DUSP5: variants seen among roughly 807,000 people sequenced by gnomAD.
DUSP5 encodes dual specificity protein phosphatase 5.
In DUSP5, 22 loss-of-function variants were observed where a neutral mutation model predicts 33.6. The observed-to-expected ratio is 0.66, with a 90% CI of 0.47 to 0.94. The LOEUF (loss-of-function observed/expected upper bound fraction) is 0.94. Among genes scored for constraint, DUSP5 ranks in the 40% least tolerant of loss-of-function variants. The pLI is 0.00. For synonymous variants in DUSP5, 270 were observed against 231.1 expected (o/e 1.17, Z -1.53); for missense variants, 551 against 522.1 (o/e 1.06, Z -0.54).
chr10:110,498,460 C>A lies in DUSP5; in HGVS notation c.339C>A (p.Leu113=). ...SAARVVLTSL[L]ACLPAGPRVY... ...CGCGTGTCGTCCTCACCTCGCTACT[C>A]GCTTGCCTACCCGCCGGCCCGCGGG... Residue 113 remains leucine, a synonymous_variant, in exon 1 of 4, where the codon CTC becomes CTA. Coordinates refer to ENST00000369583, the MANE Select transcript of DUSP5 (RefSeq NM_004419.4). 1.3e-6 allele frequency: 2 copies of A among 1,540,718 alleles called. No homozygotes were observed. Among genetic ancestry groups the A allele is most frequent in the Admixed American group, 1.9e-5 (1 of 53,648 alleles).
intron 2 of DUSP5, 141 bp downstream of exon 2, chr10:110,503,010 C>T: frequency 2.5e-6 from 3 of 1,182,794 alleles, no homozygotes; most frequent in Middle Eastern, 2.8e-4. Context: ...GGCAAAATCC[C>T]CTGGCTTTAG....
At position 110,506,928 on chromosome 10, in the gene DUSP5, C is replaced by A. The variant is rs1860125326; in HGVS notation, c.529-7C>A. The A allele has an allele frequency of 1.2e-6, 2 of 1,613,706 alleles. No individual in the cohort carries two copies. Among genetic ancestry groups the A allele is most frequent in the Non-Finnish European group, 8.5e-7 (1 of 1,179,582 alleles). On this transcript the variant is annotated splice_polypyrimidine_tract_variant and splice_region_variant and intron_variant, in intron 2 of 3. Transcript: ENST00000369583. Reference sequence around the variant, plus strand: ...ATTTCCTGATTGTCCTTTGTCCCTGCATCCAGGGTGGCCCAGTTGAAATCC... The same window carrying A: ...ATTTCCTGATTGTCCTTTGTCCCTGAATCCAGGGTGGCCCAGTTGAAATCC...
chr10:110,505,751 A>G (rs1860109385), intron 2 of DUSP5, among the ~76,000 whole-genome samples: 1 of 152,092 alleles, frequency 6.6e-6, no homozygotes. Context: ...TTTTCCAACC[A>G]TCACTAGCTT....
rs777773018 is a variant in DUSP5 at position 110,498,136 on chromosome 10, G to T, written c.15G>T (p.Ser5=). The T allele has an allele frequency of 5.5e-6, 8 of 1,442,030 alleles. No homozygotes were observed. In the South Asian group the frequency reaches 6.4e-5, roughly 12 times the overall value. 89.3% of individuals were successfully genotyped at this position (1,442,030 alleles called of 1,614,324 possible). Residue 5 remains serine (S), a synonymous_variant, in exon 1 of 4, where the codon TCG becomes TCT. Transcript: ENST00000369583. The part of the protein sequence containing the change: MKVT[S]LDGRQLRKML... ...GCGGCGGCGGCATGAAGGTCACGTC[G>T]CTCGACGGGCGCCAGCTGCGCAAGA...
intron 1 of DUSP5, among the ~76,000 whole-genome samples, chr10:110,499,325 ACT>A (rs993829965): frequency 2.0e-5 from 3 of 152,092 alleles, no homozygotes; most frequent in African/African-American, 4.8e-5. Context: ...TGGGTGATTG[ACT>A]CTCAAAATCC....
chr10:110,498,736 G>C (rs1001030988), intron 1 of DUSP5, among the ~76,000 whole-genome samples: 1 of 152,222 alleles, frequency 6.6e-6, no homozygotes, highest in African/African-American at 2.4e-5. Context: ...GGTGGTCTGG[G>C]TGGAGTTGGT....
chr10:110,498,946 G>A (rs966213422), intron 1 of DUSP5, among the ~76,000 whole-genome samples: 1 of 152,052 alleles, frequency 6.6e-6, no homozygotes, highest in African/African-American at 2.4e-5. Context: ...CCTTCCTCCC[G>A]CCTAGCCAGC....
chr10:110,507,502 T>G (rs894854975), intron 3 of DUSP5, among the ~76,000 whole-genome samples: 2 of 152,194 alleles, frequency 1.3e-5, no homozygotes, highest in Non-Finnish European at 2.9e-5. Context: ...TAACTGTGCT[T>G]CTACGTAGGT....
In DUSP5 at chr10:110,506,604, A is replaced by G. The variant is rs541400749; in HGVS notation, c.529-331A>G. ...CTGTAACTTCAACACAGGCCTGTCA[A>G]TTTTTCCCATATTACCACATGGCTT... On this transcript the variant is annotated intron_variant, in intron 2 of 3. Coordinates refer to ENST00000369583, the MANE Select transcript of DUSP5 (RefSeq NM_004419.4). Among the ~76,000 whole-genome samples the G allele has an allele frequency of 1.4e-4, 21 of 152,198 alleles. No homozygotes were observed. The South Asian group carries it at 2.3e-3, about 17-fold the overall frequency.
intron 3 of DUSP5, among the ~76,000 whole-genome samples, chr10:110,509,372 G>C (rs1285772432): frequency 6.6e-6 from 1 of 152,214 alleles, no homozygotes. Context: ...CACTTAGCCA[G>C]GGCTATAATT....
At chr10:110,505,272 AGTTATTAAAT>A (rs1860104444) in intron 2 of DUSP5, among the ~76,000 whole-genome samples, 1 of 152,202 alleles carries the variant, frequency 6.6e-6, no homozygotes, top group Non-Finnish European at 1.5e-5. Context: ...GACTTGGACA[AGTTATTAAAT>A]GCATCTGAGC....
rs1350034946 is a variant in DUSP5, at chr10:110,498,081, G to C, written c.-41G>C. On this transcript the variant is annotated 5_prime_UTR_variant, in exon 1 of 4. Coordinates refer to ENST00000369583, the MANE Select transcript of DUSP5 (RefSeq NM_004419.4). ...GACACCCTGGCCGTGGGCACCCGCG[G>C]GGCGCGCGGCGCGGGGCCGCTGGCC... 1.7e-6 allele frequency: 2 copies of C among 1,160,730 alleles called. No homozygotes were observed. The highest frequency in any genetic ancestry group is 3.3e-5 in the African/African-American group (2 of 60,762). 71.9% of individuals were successfully genotyped at this position (1,160,730 alleles called of 1,614,324 possible). A position where few individuals can be genotyped will look rare whatever the true frequency, so the allele number is the denominator to read the frequency against.
In DUSP5 at chr10:110,511,447, GA is replaced by G. The variant is rs1860192539; in HGVS notation, c.*1022del. On this transcript the variant is annotated 3_prime_UTR_variant, in exon 4 of 4. Transcript: ENST00000369583. ...AGGGGAAAAGGCAATAATTTTCTAA[GA>G]CCCGTGTGAATGTGAAGAAAAGCAG... The G allele has an allele frequency of 6.6e-6, 1 of 152,578 alleles. No homozygotes were observed. 9.5% of individuals were successfully genotyped at this position (152,578 alleles called of 1,614,324 possible). A position where few individuals can be genotyped will look rare whatever the true frequency, so the allele number is the denominator to read the frequency against.
intron 1 of DUSP5, among the ~76,000 whole-genome samples, chr10:110,502,458 A>G (rs1012777016): frequency 6.6e-6 from 1 of 152,218 alleles, no homozygotes; most frequent in East Asian, 1.9e-4. Flanking sequence ...TTTCTTTCAC[A>G]GTTTAATCTG....
intron 2 of DUSP5, among the ~76,000 whole-genome samples, chr10:110,503,810 A>G (rs887995009): frequency 6.6e-6 from 1 of 152,214 alleles, no homozygotes; most frequent in Non-Finnish European, 1.5e-5. Context: ...TCTAATCTAG[A>G]CACCTGACCT....
intron 2 of DUSP5, among the ~76,000 whole-genome samples, chr10:110,506,172 A>G (rs973028726): frequency 3.3e-5 from 5 of 152,158 alleles, no homozygotes; most frequent in Non-Finnish European, 7.4e-5. Context: ...GCTCATGCCT[A>G]TAATCCCAGC....
At chr10:110,503,193 G>C (rs1324849376) in intron 2 of DUSP5, among the ~76,000 whole-genome samples, 2 of 152,214 alleles carry the variant, frequency 1.3e-5, no homozygotes, top group Admixed American at 6.5e-5. Flanking sequence ...GAGAAGCTTT[G>C]AAATACTGGT....
At chr10:110,508,538 A>G (rs1457417103) in intron 3 of DUSP5, among the ~76,000 whole-genome samples, 1 of 152,126 alleles carries the variant, frequency 6.6e-6, no homozygotes, top group African/African-American at 2.4e-5. Flanking sequence ...GGGTCTCCCC[A>G]GTGAGCCATG....
rs779267431 is a variant in DUSP5, at chr10:110,510,595, G to A, written c.*169G>A. ...GCAAATGAACTTCAGACGGACCTCAGGGTAGGTTCTCGGGACTGAAGGAAG... is the reference window on the plus strand; with the variant it reads ...GCAAATGAACTTCAGACGGACCTCAAGGTAGGTTCTCGGGACTGAAGGAAG... On this transcript the variant is annotated 3_prime_UTR_variant, in exon 4 of 4. Coordinates refer to ENST00000369583, the MANE Select transcript of DUSP5 (RefSeq NM_004419.4). 6.1e-6 allele frequency: 6 copies of A among 987,354 alleles called. No homozygotes were observed. Among genetic ancestry groups the A allele is most frequent in the Non-Finnish European group, 8.6e-6 (6 of 696,104 alleles). The allele number at this position is 987,354 out of a possible 1,614,324, so 61.2% of individuals were successfully genotyped here. A position where few individuals can be genotyped will look rare whatever the true frequency, so the allele number is the denominator to read the frequency against.
Sources: gnomAD v4.1 joint callset for allele counts (sites outside exome capture counted in the v4.1 genomes callset) on GRCh38, gnomAD v4.1.1 for gene constraint, MANE v1.5 for transcripts, NCBI Gene and HGNC (gene_info 2026-07-23, HGNC 2026-07-21) for gene names.